The following SYNE3 variants were observed in gnomAD, a reference collection of about 807,000 sequenced individuals.
SYNE3 encodes spectrin repeat containing nuclear envelope family member 3.
Under a neutral mutation model 111.2 loss-of-function variants are expected in SYNE3, and 100 were observed. The observed-to-expected ratio is 0.90, with a 90% CI of 0.77 to 1.06. The LOEUF (loss-of-function observed/expected upper bound fraction) is 1.06, where lower values mean the gene tolerates loss of function less well. Ranked by LOEUF, SYNE3 falls within the 50% of genes least tolerant of loss-of-function variation. SYNE3 has a pLI of 0.00. For synonymous variants in SYNE3, 547 were observed against 533.9 expected, an observed-to-expected ratio of 1.02 and a Z score of -0.34; for missense variants, 1,160 against 1,240.3, an observed-to-expected ratio of 0.94 and a Z score of 0.97.
Position 95,515,163 on chromosome 14 carries a change from C to T in SYNE3, c.-15+1433G>A, listed in dbSNP as rs187128366. On this transcript the variant is annotated intron_variant, in intron 1 of 17. Transcript: ENST00000682763. ...ACACGAGTTCCAGAAATAAGACATC[C>T]CAGCCCACTTCCCGCTCAGCCACCC... Among the ~76,000 whole-genome samples the T allele has an allele frequency of 2.5e-4, 38 of 152,320 alleles. No individual in the cohort carries two copies. The East Asian group carries it at 6.8e-3, about 27-fold the overall frequency.
Position 95,444,516 on chromosome 14 carries a change from G to T in SYNE3, c.1745C>A (p.Pro582His). ...CCTTGAGAGCTGGGCCTGTTTTCCAGGAAGGTCCCGCTGAAGCCCCTTCTC... is the reference window on the plus strand; with the variant it reads ...CCTTGAGAGCTGGGCCTGTTTTCCATGAAGGTCCCGCTGAAGCCCCTTCTC... ...QAEKGLQRDL[P>H]GKQAQLSRLQ... Residue 582 changes from proline to histidine, a missense_variant, in exon 10 of 18, where the codon CCT (proline) becomes CAT (histidine). Pro to His is a moderately conservative substitution (Grantham distance 77). Coordinates refer to ENST00000682763, the MANE Select transcript of SYNE3 (RefSeq NM_152592.6). 1.1e-5 allele frequency: 18 copies of T among 1,613,084 alleles called. No homozygotes were observed. Among genetic ancestry groups the T allele is most frequent in the Non-Finnish European group, 1.5e-5 (18 of 1,179,476 alleles).
intron 7 of SYNE3, chr14:95,450,888 A>G (rs999757252): frequency 6.6e-6 from 1 of 152,232 alleles, no homozygotes; most frequent in African/African-American, 2.4e-5. Flanking sequence ...ACATGGAGAC[A>G]TTATTCTTCC....
At position 95,467,893 on chromosome 14, in the gene SYNE3, T is replaced by G; in HGVS notation, c.219A>C (p.Ala73=). 1 of 1,614,238 alleles carries G rather than the reference T, an allele frequency of 6.2e-7. No individual in the cohort carries two copies. The highest frequency in any genetic ancestry group is 8.5e-7 in the Non-Finnish European group (1 of 1,180,042). Residue 73 remains alanine, a synonymous_variant, in exon 3 of 18, where the codon GCA becomes GCC. Transcript: ENST00000682763. The part of the protein sequence containing the change: ...LVLRMAEALL[A]CCPGDQKPGI... ...CGGGCTTCTGGTCCCCAGGGCAGCA[T>G]GCCAAGAGGGCTTCAGCCATCCGTA...
chr14:95,475,656 C>G lies in SYNE3; in HGVS notation c.144+22G>C, dbSNP rs781429672. 2.0e-6 allele frequency: 3 copies of G among 1,490,676 alleles called. No individual in the cohort carries two copies. In the Admixed American group the frequency reaches 6.9e-5, roughly 34 times the overall value. The allele number at this position is 1,490,676 out of a possible 1,614,324, so 92.3% of individuals were successfully genotyped here. Reference sequence around the variant, plus strand: ...GATGGGGCCAAGACCACAGGGCCATCTGAGGCCACGCCTCTGCATACCTCG... The same window carrying G: ...GATGGGGCCAAGACCACAGGGCCATGTGAGGCCACGCCTCTGCATACCTCG... On this transcript the variant is annotated intron_variant, in intron 2 of 17. Coordinates refer to ENST00000682763, the MANE Select transcript of SYNE3 (RefSeq NM_152592.6).
chr14:95,440,518 C>CT (rs1186013928), intron 11 of SYNE3, among the ~76,000 whole-genome samples: 1 of 152,212 alleles, frequency 6.6e-6, no homozygotes, highest in Non-Finnish European at 1.5e-5. Flanking sequence ...AAGTTGGAAA[C>CT]TATCCAAGTG....
At chr14:95,481,380 G>C (rs531111569) in intron 1 of SYNE3, among the ~76,000 whole-genome samples, 148 of 152,304 alleles carry the variant, frequency 9.7e-4, no homozygotes, top group Non-Finnish European at 1.4e-3. Flanking sequence ...GAACCAGGAG[G>C]GTGTAATGAG....
At chr14:95,428,269 G>A (rs913660058) in intron 17 of SYNE3, among the ~76,000 whole-genome samples, 1 of 152,186 alleles carries the variant, frequency 6.6e-6, no homozygotes, top group South Asian at 2.1e-4. Context: ...TACACAATCA[G>A]TGTGGTCCAA....
intron 1 of SYNE3, among the ~76,000 whole-genome samples, chr14:95,507,094 A>G (rs377329397): frequency 6.6e-6 from 1 of 152,216 alleles, no homozygotes. Context: ...ACCTTACAGC[A>G]AAGAGAGTTG....
rs1193025690 is a variant in SYNE3, at chr14:95,411,898, G to C, written c.*5928C>G. The C allele has an allele frequency of 2.6e-5, 4 of 152,456 alleles. No individual in the cohort carries two copies. The South Asian group carries it at 8.3e-4, about 32-fold the overall frequency. The allele number at this position is 152,456 out of a possible 1,614,324, so 9.4% of individuals were successfully genotyped here. ...AGATGATCCCCAGTGGGGAAAAGTG[G>C]GCTTCTCAGTTTGGCATTTCCAACC... On this transcript the variant is annotated 3_prime_UTR_variant, in exon 18 of 18. Coordinates refer to ENST00000682763, the MANE Select transcript of SYNE3 (RefSeq NM_152592.6).
At chr14:95,433,122 C>T in intron 16 of SYNE3, 138 bp downstream of exon 16, 1 of 1,279,498 alleles carries the variant, frequency 7.8e-7, no homozygotes, top group South Asian at 1.5e-5. Flanking sequence ...CTGTCCTCTG[C>T]CTGAGTGGTC....
In SYNE3 at chr14:95,506,476, C is replaced by T. The variant is rs148760756; in HGVS notation, c.-15+10120G>A. Among the ~76,000 whole-genome samples the T allele has an allele frequency of 1.1e-4, 17 of 152,368 alleles. No individual in the cohort carries two copies. In the East Asian group the frequency reaches 3.3e-3, roughly 29 times the overall value. On this transcript the variant is annotated intron_variant, in intron 1 of 17. Coordinates refer to ENST00000682763, the MANE Select transcript of SYNE3 (RefSeq NM_152592.6). ...CTGGGTCGACTCTGGCCCATCATGCCTTCCTAGACCTGCCAGGGCATGAGC... is the reference window on the plus strand; with the variant it reads ...CTGGGTCGACTCTGGCCCATCATGCTTTCCTAGACCTGCCAGGGCATGAGC...
intron 1 of SYNE3, among the ~76,000 whole-genome samples, chr14:95,501,788 C>T (rs1051370193): frequency 1.3e-5 from 2 of 152,208 alleles, no homozygotes; most frequent in Non-Finnish European, 2.9e-5. Flanking sequence ...AGTTTGTCCC[C>T]AGCGGGGAAG....
chr14:95,428,917 A>G (rs952541609), intron 17 of SYNE3, among the ~76,000 whole-genome samples: 3 of 152,212 alleles, frequency 2.0e-5, no homozygotes, highest in Admixed American at 2.0e-4. Context: ...CCAACTGCTC[A>G]TAAATAATTA....
intron 17 of SYNE3, among the ~76,000 whole-genome samples, chr14:95,422,029 G>C (rs1056095727): frequency 6.6e-6 from 1 of 152,170 alleles, no homozygotes; most frequent in African/African-American, 2.4e-5. Flanking sequence ...ACTCCTCGGA[G>C]GCGGGGTCCA....
chr14:95,430,548 G>T (rs906578288), intron 17 of SYNE3, among the ~76,000 whole-genome samples: 22 of 152,334 alleles, frequency 1.4e-4, no homozygotes, highest in African/African-American at 5.3e-4. Flanking sequence ...TTTAGGCTGG[G>T]TGCAGTGGCT....
rs149622983 is a variant in SYNE3, at chr14:95,439,120, C to G, written c.2289G>C (p.Ser763=). 17 of 1,614,106 alleles carry G rather than the reference C, an allele frequency of 1.1e-5. No individual in the cohort carries two copies. In the Admixed American group the frequency reaches 2.5e-4, roughly 24 times the overall value. The change falls in exon 14 of 18, where the codon TCG becomes TCC. Residue 763 remains serine, a synonymous_variant. Coordinates refer to ENST00000682763, the MANE Select transcript of SYNE3 (RefSeq NM_152592.6). The stretch of plus-strand genomic sequence containing the variant: ...TGTTGGTGAAAACCATTTTCTTCCC[C>G]GAATCCACTTCCATCCTCTGCAGAT... ...NWHLQRMEVD[S]GKKMVFTNNI...
rs1280389426 is a variant in SYNE3, at chr14:95,470,775, TG to T, written c.145-2809del. Reference sequence around the variant, plus strand: ...GAGTTTGAGGCCATCCTGGCCAACATGGTGAAACACCGTCTCTACTGAAAAT... The same window carrying T: ...GAGTTTGAGGCCATCCTGGCCAACATGTGAAACACCGTCTCTACTGAAAAT... On this transcript the variant is annotated intron_variant, in intron 2 of 17. Transcript: ENST00000682763. The surrounding 1 kb of genome is among the most constrained non-coding windows in gnomAD (Gnocchi z 4.2). Among the ~76,000 whole-genome samples the T allele has an allele frequency of 6.6e-6, 1 of 152,126 alleles. No individual in the cohort carries two copies. Among genetic ancestry groups the T allele is most frequent in the Non-Finnish European group, 1.5e-5 (1 of 68,036 alleles).
At chr14:95,515,198 C>A (rs1890870494) in intron 1 of SYNE3, among the ~76,000 whole-genome samples, 1 of 152,240 alleles carries the variant, frequency 6.6e-6, no homozygotes, top group African/African-American at 2.4e-5. Flanking sequence ...CCCAGAGGGG[C>A]CTCTCTGGTT....
At chr14:95,439,451 C>T (rs1480604290) in intron 13 of SYNE3, among the ~76,000 whole-genome samples, 161 bp downstream of exon 13, 1 of 152,196 alleles carries the variant, frequency 6.6e-6, no homozygotes, top group Non-Finnish European at 1.5e-5. Flanking sequence ...TCCTCCTGCT[C>T]CTGCTAGAAT....
Sources: allele counts gnomAD v4.1 joint callset (sites outside exome capture counted in the v4.1 genomes callset), GRCh38; gene constraint gnomAD v4.1.1; non-coding constraint Gnocchi (gnomAD v3.1); transcripts MANE v1.5; gene names NCBI Gene and HGNC (gene_info 2026-07-23, HGNC 2026-07-21).